The following TMEM232 variants were observed in gnomAD, a reference collection of about 807,000 sequenced individuals.
The protein encoded by TMEM232 is transmembrane protein 232.
Under a neutral mutation model 78.8 loss-of-function variants are expected in TMEM232, and 80 were observed. The observed-to-expected ratio is 1.01, with a 90% CI of 0.85 to 1.22. The LOEUF is 1.22. Among genes scored for constraint, TMEM232 ranks in the 50% most tolerant of loss-of-function variants. The pLI, the probability that TMEM232 is intolerant of heterozygous loss-of-function variation, is 0.00. For synonymous variants in TMEM232, 297 were observed against 254.3 expected, an observed-to-expected ratio of 1.17 and a Z score of -1.60; for missense variants, 881 against 742.2, an observed-to-expected ratio of 1.19 and a Z score of -2.17.
intron 12 of TMEM232, among the ~76,000 whole-genome samples, chr5:110,507,535 C>T (rs1410917760): frequency 2.6e-5 from 4 of 152,148 alleles, no homozygotes; most frequent in Non-Finnish European, 5.9e-5. Context: ...AGAATATGAA[C>T]ACAGAATTGG....
intron 10 of TMEM232, among the ~76,000 whole-genome samples, chr5:110,591,359 G>A (rs1479231761): frequency 6.6e-6 from 1 of 152,082 alleles, no homozygotes; most frequent in East Asian, 1.9e-4. Flanking sequence ...TTGGGAGGCT[G>A]TGGAATGAGA....
chr5:110,678,125 T>C (rs1230031211), intron 1 of TMEM232, among the ~76,000 whole-genome samples: 1 of 152,172 alleles, frequency 6.6e-6, no homozygotes, highest in Non-Finnish European at 1.5e-5. Context: ...AGTGCAATGG[T>C]GCAGTCTCTG....
rs1209205049 is a variant in TMEM232, at chr5:110,587,691, A to ATATATGTG, written c.1276+17417_1276+17418insCACATATA. Reference sequence around the variant, plus strand: ...TATATATATATATATATATATATATATGTGTGTGTGTGTGTGTGTGTGTGT... The same window carrying ATATATGTG: ...TATATATATATATATATATATATATATATATGTGTGTGTGTGTGTGTGTGTGTGTGTGT... On this transcript the variant is annotated intron_variant, in intron 10 of 13. Transcript: ENST00000455884. Among the ~76,000 whole-genome samples the ATATATGTG allele has an allele frequency of 6.0e-3, 377 of 63,082 alleles. 2 individuals are homozygous for ATATATGTG. The highest frequency in any genetic ancestry group is 8.4e-3 in the Non-Finnish European group (303 of 36,284). 41.4% of individuals were successfully genotyped at this position (63,082 alleles called of 152,430 possible).
At chr5:110,645,196 C>A (rs1787312589) in intron 2 of TMEM232, among the ~76,000 whole-genome samples, 1 of 151,442 alleles carries the variant, frequency 6.6e-6, no homozygotes, top group African/African-American at 2.4e-5. Flanking sequence ...GCAAAAAATA[C>A]AAGAAGGAAC....
intron 1 of TMEM232, among the ~76,000 whole-genome samples, chr5:110,689,897 A>G (rs1337517937): frequency 6.6e-6 from 1 of 152,230 alleles, no homozygotes; most frequent in Non-Finnish European, 1.5e-5. Context: ...AGGATTCCCC[A>G]TTTAATAAAT....
chr5:110,660,841 C>T (rs1789681981), intron 2 of TMEM232, among the ~76,000 whole-genome samples: 1 of 152,092 alleles, frequency 6.6e-6, no homozygotes, highest in Non-Finnish European at 1.5e-5. Context: ...GTGTTAGGAA[C>T]ATTGCAATAC....
chr5:110,524,392 AAAG>A (rs1237659301), intron 12 of TMEM232, among the ~76,000 whole-genome samples: 891 of 74,760 alleles, frequency 0.012, 13 homozygotes, highest in African/African-American at 0.054. Flanking sequence ...AGAAAGAAAG[AAAG>A]AAAGAAAGAA....
intron 5 of TMEM232, among the ~76,000 whole-genome samples, chr5:110,628,520 T>C (rs1268638933): frequency 6.6e-6 from 1 of 152,054 alleles, no homozygotes; most frequent in Non-Finnish European, 1.5e-5. Context: ...TTACACAGAC[T>C]ACATAAAATG....
intron 12 of TMEM232, 31 bp from the exon 13 acceptor site, chr5:110,424,947 T>C: frequency 6.8e-7 from 1 of 1,465,292 alleles, no homozygotes; most frequent in East Asian, 2.5e-5. Flanking sequence ...AAATCCAACA[T>C]TAGGTATAGG....
At chr5:110,534,737 A>G (rs1437617584) in intron 11 of TMEM232, among the ~76,000 whole-genome samples, 10 of 152,122 alleles carry the variant, frequency 6.6e-5, no homozygotes, top group Admixed American at 6.5e-5. Flanking sequence ...TAAATAAATA[A>G]TCTTTGCTGG....
intron 12 of TMEM232, among the ~76,000 whole-genome samples, chr5:110,459,854 C>G (rs1761306880): frequency 6.6e-6 from 1 of 152,156 alleles, no homozygotes; most frequent in Non-Finnish European, 1.5e-5. Context: ...CACATTGTTT[C>G]TGTGCTATTC....
intron 1 of TMEM232, among the ~76,000 whole-genome samples, chr5:110,719,679 A>T (rs1479859664): frequency 6.6e-6 from 1 of 151,906 alleles, no homozygotes; most frequent in African/African-American, 2.4e-5. Context: ...ATTTTAGTAA[A>T]TTATATTTGT....
intron 12 of TMEM232, among the ~76,000 whole-genome samples, chr5:110,491,968 T>C (rs1167151448): frequency 4.0e-5 from 6 of 151,860 alleles, no homozygotes; most frequent in Non-Finnish European, 8.8e-5. Flanking sequence ...ACTTAAAAAA[T>C]TAAGAAGCAA....
At chr5:110,435,818 T>G (rs951827212) in intron 12 of TMEM232, among the ~76,000 whole-genome samples, 1 of 151,952 alleles carries the variant, frequency 6.6e-6, no homozygotes, top group Non-Finnish European at 1.5e-5. Flanking sequence ...AATAGTACTC[T>G]ATTGTGTATA....
chr5:110,691,665 A>G (rs1312543799), intron 1 of TMEM232, among the ~76,000 whole-genome samples: 1 of 152,254 alleles, frequency 6.6e-6, no homozygotes, highest in Non-Finnish European at 1.5e-5. Flanking sequence ...TGTCTATCAG[A>G]TAAAACACAA....
At chr5:110,682,528 G>A (rs1396114767) in intron 1 of TMEM232, among the ~76,000 whole-genome samples, 1 of 151,898 alleles carries the variant, frequency 6.6e-6, no homozygotes, top group African/African-American at 2.4e-5. Context: ...CACTTCCCAG[G>A]GGTAAATTCT....
rs185524963 is a variant in TMEM232, at chr5:110,712,369, T to A, written c.-13+14258A>T. On this transcript the variant is annotated intron_variant, in intron 1 of 13. Transcript: ENST00000455884. ...TCTGACAAGGGTTTAATAACCAGAA[T>A]ATATATGGAGCTCAAACAACTCTAT... is the stretch of plus-strand genomic sequence containing the variant. 2.7e-3 allele frequency among the ~76,000 whole-genome samples: 418 copies of A among 152,132 alleles called. 6 individuals carry two copies. The highest frequency in any genetic ancestry group is 9.5e-3 in the African/African-American group (396 of 41,524).
At chr5:110,585,993 C>T (rs1003602591) in intron 10 of TMEM232, among the ~76,000 whole-genome samples, 2 of 152,088 alleles carry the variant, frequency 1.3e-5, no homozygotes, top group East Asian at 1.9e-4. Flanking sequence ...TTAGATTTTT[C>T]GAACTTCTGA....
chr5:110,419,259 AG>A (rs755654328), downstream of TMEM232, among the ~76,000 whole-genome samples: 4 of 152,068 alleles, frequency 2.6e-5, no homozygotes, highest in Admixed American at 6.6e-5. Flanking sequence ...GAACTTGCAT[AG>A]TCTCCATTTG....
Sources: allele counts gnomAD v4.1 joint callset (sites outside exome capture counted in the v4.1 genomes callset), GRCh38; gene constraint gnomAD v4.1.1; transcripts MANE v1.5; gene names NCBI Gene and HGNC (gene_info 2026-07-23, HGNC 2026-07-21).